CD244: variants seen among roughly 807,000 people sequenced by gnomAD.
CD244 encodes CD244 molecule.
A neutral mutation model predicts 45.5 loss-of-function variants in CD244; 20 were observed. The ratio of observed to expected loss-of-function variants is 0.44; its 90% CI spans 0.31 to 0.64. CD244 has a LOEUF of 0.64. Among genes scored for constraint, CD244 ranks in the 30% least tolerant of loss-of-function variants. The pLI, the probability that CD244 is intolerant of heterozygous loss-of-function variation, is 0.08. For synonymous variants in CD244, 185 were observed against 160.5 expected (o/e 1.15, Z -1.15); for missense variants, 407 against 426.9 (o/e 0.95, Z 0.41).
In CD244 at chr1:160,841,821, CCTT is replaced by C; in HGVS notation, c.139_141del (p.Lys47del). 6.2e-7 allele frequency: 1 copy of C among 1,614,142 alleles called. No homozygotes were observed. The highest frequency in any genetic ancestry group is 1.7e-5 in the Admixed American group (1 of 60,026). On this transcript the variant is annotated inframe_deletion, in exon 2 of 9. Transcript: ENST00000368034. The stretch of plus-strand genomic sequence containing the variant: ...AACTTCTTCCATGCAATGCTGTCAA[CCTT>C]CGTCTGTATGCTGTTTGGTTGTAAC...
At chr1:160,838,725 T>C (rs1669420117) in intron 4 of CD244, 5 of 616,622 alleles carry the variant, frequency 8.1e-6, no homozygotes, top group Admixed American at 5.8e-5. Context: ...ACCAGCTGTC[T>C]ACAGGGAAAT....
Position 160,840,717 on chromosome 1 carries a change from C to T in CD244, c.655+493G>A, listed in dbSNP as rs1469681650. On this transcript the variant is annotated intron_variant, in intron 3 of 8. Coordinates refer to ENST00000368034, the MANE Select transcript of CD244 (RefSeq NM_016382.4). ...GTTTATGTAATAAAAAGTTGTGGAA[C>T]GGTAACTCAGGTAACTCTTAGGATG... 4.6e-5 allele frequency among the ~76,000 whole-genome samples: 7 copies of T among 152,062 alleles called. No individual in the cohort carries two copies. The South Asian group carries it at 8.3e-4, about 18-fold the overall frequency.
At chr1:160,855,324 A>G (rs1438120949) in intron 1 of CD244, among the ~76,000 whole-genome samples, 2 of 152,120 alleles carry the variant, frequency 1.3e-5, no homozygotes, top group East Asian at 3.9e-4. Flanking sequence ...GAGATTACGA[A>G]TCTGTAGCTG....
rs375062876 is a variant in CD244, at chr1:160,834,046, C to T, written c.960+5G>A. 3 of 1,606,312 alleles carry T rather than the reference C, an allele frequency of 1.9e-6. No individual in the cohort carries two copies. The African/African-American group carries it at 4.0e-5, about 21-fold the overall frequency. ...ACCCCACCACCACCACGGGAAGAGG[C>T]TCACCTTCCTGGAAGGCTGAATTAA... is the stretch of plus-strand genomic sequence containing the variant. On this transcript the variant is annotated splice_donor_5th_base_variant and intron_variant, in intron 7 of 8. Transcript: ENST00000368034.
chr1:160,849,338 G>A (rs1356537618), intron 1 of CD244, among the ~76,000 whole-genome samples: 1 of 144,810 alleles, frequency 6.9e-6, no homozygotes, highest in African/African-American at 2.6e-5. Context: ...AGAACATGCA[G>A]ATTTGTTACG....
chr1:160,844,069 C>A lies in CD244; in HGVS notation c.62-2168G>T, dbSNP rs143072852. On this transcript the variant is annotated intron_variant, in intron 1 of 8. Transcript: ENST00000368034. ...AAGCTCAATTTTGAATCATCACAAC[C>A]CTGGATTGAACTAATGATCTGGAAT... Among the ~76,000 whole-genome samples, 74 of 152,340 alleles carry A rather than the reference C, an allele frequency of 4.9e-4. No individual in the cohort carries two copies. In the East Asian group the frequency reaches 0.013, roughly 27 times the overall value.
chr1:160,836,105 T>C (rs1669321007), intron 6 of CD244, 90 bp downstream of exon 6: 1 of 943,522 alleles, frequency 1.1e-6, no homozygotes, highest in South Asian at 1.3e-5. Flanking sequence ...ACCAAGATCT[T>C]ATTCTGCCAT....
chr1:160,845,463 G>A (rs1266131891), intron 1 of CD244, among the ~76,000 whole-genome samples: 1 of 152,056 alleles, frequency 6.6e-6, no homozygotes, highest in Non-Finnish European at 1.5e-5. Flanking sequence ...GAGGAAAGAG[G>A]AACTAAGCAA....
intron 1 of CD244, among the ~76,000 whole-genome samples, chr1:160,842,342 T>A (rs552723560): frequency 6.6e-6 from 1 of 152,222 alleles, no homozygotes; most frequent in African/African-American, 2.4e-5. Context: ...CTTGAACTCC[T>A]GGGCTTGAGG....
At chr1:160,856,164 C>T (rs1489894685) in intron 1 of CD244, among the ~76,000 whole-genome samples, 1 of 152,178 alleles carries the variant, frequency 6.6e-6, no homozygotes, top group East Asian at 1.9e-4. Context: ...TCCAAAAGTA[C>T]TGGGGCAATC....
intron 1 of CD244, among the ~76,000 whole-genome samples, chr1:160,860,131 C>G (rs540808845): frequency 1.3e-5 from 2 of 152,104 alleles, no homozygotes; most frequent in East Asian, 3.9e-4. Context: ...CACTTGAACC[C>G]GGGGGAGCAG....
At chr1:160,839,619 G>A (rs1330409479) in intron 3 of CD244, among the ~76,000 whole-genome samples, 1 of 152,170 alleles carries the variant, frequency 6.6e-6, no homozygotes, top group Non-Finnish European at 1.5e-5. Flanking sequence ...CTAATTTAGA[G>A]GTGACTTAAG....
chr1:160,853,964 T>A (rs1670014685), intron 1 of CD244, among the ~76,000 whole-genome samples: 1 of 151,876 alleles, frequency 6.6e-6, no homozygotes, highest in Non-Finnish European at 1.5e-5. Context: ...GGGTGGGAGC[T>A]GCCATTGAAA....
intron 1 of CD244, among the ~76,000 whole-genome samples, chr1:160,851,850 G>A (rs958127728): frequency 1.3e-5 from 2 of 152,108 alleles, no homozygotes; most frequent in East Asian, 3.9e-4. Context: ...GACAACAAAT[G>A]TTTCTTTAAC....
intron 1 of CD244, among the ~76,000 whole-genome samples, chr1:160,847,092 G>A (rs1177688712): frequency 6.6e-6 from 1 of 151,482 alleles, no homozygotes. Flanking sequence ...GACATAAGAT[G>A]TATAAAAAAT....
At chr1:160,833,355 G>T (rs1669207374) in intron 7 of CD244, among the ~76,000 whole-genome samples, 1 of 152,118 alleles carries the variant, frequency 6.6e-6, no homozygotes, top group Admixed American at 6.6e-5. Context: ...CAGTTGTGTG[G>T]ACTCCCAAAT....
At chr1:160,858,259 C>T (rs377680172) in intron 1 of CD244, among the ~76,000 whole-genome samples, 10 of 151,982 alleles carry the variant, frequency 6.6e-5, no homozygotes, top group East Asian at 5.8e-4. Flanking sequence ...AGAGCAAAAA[C>T]GACTCCAGCC....
chr1:160,841,075 A>C lies in CD244; in HGVS notation c.655+135T>G, dbSNP rs1391460263. 3.3e-5 allele frequency: 27 copies of C among 814,948 alleles called. No homozygotes were observed. The Admixed American group carries it at 4.5e-4, about 14-fold the overall frequency. 50.5% of individuals were successfully genotyped at this position (814,948 alleles called of 1,614,324 possible). A position where few individuals can be genotyped will look rare whatever the true frequency, so the allele number is the denominator to read the frequency against. On this transcript the variant is annotated intron_variant, in intron 3 of 8. Transcript: ENST00000368034. ...AACTGTGTGCCTGGAGGCCAGGGCT[A>C]CCCTGGGAAGGGCTACAAGGCACTG...
chr1:160,862,564 G>C, intron 1 of CD244, 53 bp downstream of exon 1: 1 of 1,534,020 alleles, frequency 6.5e-7, no homozygotes. Context: ...ATCTCCCTGA[G>C]GGGCACAGCT....
Sources: allele counts gnomAD v4.1 joint callset (sites outside exome capture counted in the v4.1 genomes callset), GRCh38; gene constraint gnomAD v4.1.1; transcripts MANE v1.5; gene names NCBI Gene and HGNC (gene_info 2026-07-23, HGNC 2026-07-21).